EHBP1: variants seen among roughly 807,000 people sequenced by gnomAD.
EHBP1 encodes EH domain binding protein 1, also known as EH domain-binding protein 1.
In EHBP1, 55 loss-of-function variants were observed where a neutral mutation model predicts 144.0. The ratio of observed to expected loss-of-function variants is 0.38; its 90% confidence interval spans 0.31 to 0.48. The LOEUF is 0.48. Among genes scored for constraint, EHBP1 ranks in the 20% least tolerant of loss-of-function variants. The pLI, the probability that EHBP1 is intolerant of heterozygous loss-of-function variation, is 0.98. For missense variants in EHBP1, 1,200 were observed against 1,364.2 expected (o/e 0.88, Z 1.90); for synonymous variants, 469 against 472.7 (o/e 0.99, Z 0.10).
chr2:62,957,561 C>T (rs1301314008), intron 14 of EHBP1, among the ~76,000 whole-genome samples: 1 of 149,940 alleles, frequency 6.7e-6, no homozygotes, highest in Non-Finnish European at 1.5e-5. Flanking sequence ...CATTATTCAC[C>T]AGAAGTATGA....
chr2:62,836,390 G>GA (rs1437705505), intron 7 of EHBP1, among the ~76,000 whole-genome samples: 2 of 135,572 alleles, frequency 1.5e-5, no homozygotes, highest in Admixed American at 1.5e-4. Context: ...CAAAGATGGG[G>GA]AAAAAACAGA....
At chr2:63,039,400 C>T (rs2061571551) in intron 21 of EHBP1, among the ~76,000 whole-genome samples, 1 of 152,054 alleles carries the variant, frequency 6.6e-6, no homozygotes, top group Non-Finnish European at 1.5e-5. Context: ...CATCAGCTAG[C>T]TTATCTGGCA....
At chr2:62,690,315 G>T in intron 1 of EHBP1, among the ~76,000 whole-genome samples, 1 of 152,166 alleles carries the variant, frequency 6.6e-6, no homozygotes, top group East Asian at 1.9e-4. Context: ...TGTAATCCCT[G>T]CACTTTGAGA....
chr2:62,949,355 G>T (rs899313087), intron 13 of EHBP1, among the ~76,000 whole-genome samples, 193 bp downstream of exon 13: 1 of 152,114 alleles, frequency 6.6e-6, no homozygotes, highest in Non-Finnish European at 1.5e-5. Flanking sequence ...GATTGCTTTG[G>T]CCTAGGAGTT....
At chr2:62,855,311 G>A (rs1295510732) in intron 7 of EHBP1, among the ~76,000 whole-genome samples, 1 of 152,180 alleles carries the variant, frequency 6.6e-6, no homozygotes, top group Non-Finnish European at 1.5e-5. Context: ...CTGCCACCTC[G>A]GCAGCAGACC....
At chr2:62,913,669 T>C (rs564029265) in intron 10 of EHBP1, among the ~76,000 whole-genome samples, 2 of 152,352 alleles carry the variant, frequency 1.3e-5, no homozygotes, top group East Asian at 3.9e-4. Context: ...TAAGCATTGA[T>C]ACAAAGTTTT....
At chr2:63,043,214 T>A (rs968837213) in intron 21 of EHBP1, among the ~76,000 whole-genome samples, 5 of 152,196 alleles carry the variant, frequency 3.3e-5, no homozygotes, top group African/African-American at 1.2e-4. Flanking sequence ...ATTAAAAAAT[T>A]TTCCAGCATT....
At chr2:62,871,635 C>G (rs916847720) in intron 9 of EHBP1, among the ~76,000 whole-genome samples, 2 of 152,196 alleles carry the variant, frequency 1.3e-5, no homozygotes, top group African/African-American at 4.8e-5. Context: ...AAACTTATGA[C>G]CTTTCATCAA....
chr2:62,988,986 G>A (rs1170281248), intron 15 of EHBP1, among the ~76,000 whole-genome samples: 1 of 151,962 alleles, frequency 6.6e-6, no homozygotes, highest in African/African-American at 2.4e-5. Flanking sequence ...TGACTATAAC[G>A]AACACTCAAG....
intron 19 of EHBP1, among the ~76,000 whole-genome samples, chr2:63,033,013 T>G (rs1027733819): frequency 2.6e-5 from 4 of 152,212 alleles, no homozygotes; most frequent in Admixed American, 2.6e-4. Flanking sequence ...TTGAGGATAT[T>G]GTTGGATCAG....
In EHBP1 at chr2:62,983,710, T is replaced by C. The variant is rs539613771; in HGVS notation, c.2608+4375T>C. On this transcript the variant is annotated intron_variant, in intron 15 of 22. Transcript: ENST00000431489. ...CACCCGGCCACCATGCCCAGCTAAT[T>C]TTTGTATTTTTAGTAGATACGGGGT... 2.0e-5 allele frequency among the ~76,000 whole-genome samples: 3 copies of C among 152,214 alleles called. No homozygotes were observed. In the South Asian group the frequency reaches 6.2e-4, roughly 32 times the overall value.
At chr2:62,708,608 T>G (rs1434881135) in intron 2 of EHBP1, among the ~76,000 whole-genome samples, 1 of 152,210 alleles carries the variant, frequency 6.6e-6, no homozygotes, top group African/African-American at 2.4e-5. Flanking sequence ...TTTAAAATGC[T>G]TGGAACAGTG....
Position 62,771,005 on chromosome 2 carries a change from A to G in EHBP1, c.259-334A>G, listed in dbSNP as rs190043950. ...ACAACAGACACTGCGGCCTATGGGA[A>G]GTTGAAGGGTGAAGGGTGGGAGGAG... On this transcript the variant is annotated intron_variant, in intron 4 of 22. Coordinates refer to ENST00000431489, the MANE Select transcript of EHBP1 (RefSeq NM_001142616.3). Among the ~76,000 whole-genome samples the G allele has an allele frequency of 4.8e-4, 73 of 152,184 alleles. 1 individual carries two copies. Among genetic ancestry groups the G allele is most frequent in the East Asian group, 3.9e-4 (2 of 5,182 alleles).
At chr2:62,910,085 A>C (rs144812416) in intron 10 of EHBP1, among the ~76,000 whole-genome samples, 123 of 152,240 alleles carry the variant, frequency 8.1e-4, no homozygotes, top group African/African-American at 2.9e-3. Flanking sequence ...GTTCAATCCA[A>C]GTATCCCCTA....
At chr2:62,687,776 A>G (rs776074663) in intron 1 of EHBP1, among the ~76,000 whole-genome samples, 16 of 152,220 alleles carry the variant, frequency 1.1e-4, no homozygotes, top group Non-Finnish European at 2.1e-4. Flanking sequence ...GAATCTGCAC[A>G]GACCCGCTAT....
chr2:62,730,366 G>C (rs1289763041), intron 2 of EHBP1, among the ~76,000 whole-genome samples: 2 of 151,944 alleles, frequency 1.3e-5, no homozygotes, highest in African/African-American at 4.8e-5. Flanking sequence ...CCATAGTTTT[G>C]CCTTTTCCAG....
Position 62,678,076 on chromosome 2 carries a change from T to G in EHBP1, c.-296+3993T>G, listed in dbSNP as rs570308966. Among the ~76,000 whole-genome samples, 8 of 152,368 alleles carry G rather than the reference T, an allele frequency of 5.3e-5. No homozygotes were observed. The South Asian group carries it at 1.2e-3, about 24-fold the overall frequency. On this transcript the variant is annotated intron_variant, in intron 1 of 22. Coordinates refer to the EHBP1 transcript ENST00000405015. ...ACCTCCAAATGTTGTCCACAGTGGT[T>G]GTACTCATTTATGTTCCCACCAACA...
chr2:63,044,871 C>T, intron 21 of EHBP1, 195 bp from the exon 22 acceptor site: 1 of 528,818 alleles, frequency 1.9e-6, no homozygotes. Flanking sequence ...ATTCACAGGA[C>T]CTGTTTAGGA....
At chr2:62,938,933 G>T (rs2153063122) in intron 10 of EHBP1, among the ~76,000 whole-genome samples, 2 of 152,278 alleles carry the variant, frequency 1.3e-5, no homozygotes, top group Middle Eastern at 6.8e-3. Flanking sequence ...ATTGGTGGTG[G>T]TAATAATAAT....
Sources: allele counts gnomAD v4.1 joint callset (sites outside exome capture counted in the v4.1 genomes callset), GRCh38; gene constraint gnomAD v4.1.1; transcripts MANE v1.5; gene names NCBI Gene and HGNC (gene_info 2026-07-23, HGNC 2026-07-21).